Variants in PGPEP1L observed in about 807,000 individuals in gnomAD.
PGPEP1L encodes the protein pyroglutamyl-peptidase I like.
In PGPEP1L, 7 loss-of-function variants were observed where a neutral mutation model predicts 6.0. The ratio of observed to expected loss-of-function variants is 1.17; its 90% CI spans 0.66 to 2.19. PGPEP1L has a LOEUF of 2.19. PGPEP1L is among the 30% of genes most tolerant of loss of function. PGPEP1L has a pLI of 0.00. For missense variants in PGPEP1L, 209 were observed against 192.5 expected (o/e 1.09, Z -0.51); for synonymous variants, 103 against 83.9 (o/e 1.23, Z -1.24).
At chr15:98,978,793 G>A (rs1050868710) in intron 2 of PGPEP1L, among the ~76,000 whole-genome samples, 44 of 141,892 alleles carry the variant, frequency 3.1e-4, no homozygotes, top group African/African-American at 1.1e-3. Flanking sequence ...GCGGTGGCAT[G>A]ATCTCGGCTC....
At chr15:98,982,906 T>A (rs2017688614) in intron 2 of PGPEP1L, among the ~76,000 whole-genome samples, 1 of 151,872 alleles carries the variant, frequency 6.6e-6, no homozygotes, top group South Asian at 2.1e-4. Flanking sequence ...ACACAGGGTC[T>A]CACCCTGTTG....
At chr15:98,990,660 A>G (rs1555471953) in intron 2 of PGPEP1L, among the ~76,000 whole-genome samples, 1 of 152,238 alleles carries the variant, frequency 6.6e-6, no homozygotes, top group African/African-American at 2.4e-5. Flanking sequence ...CAGAATATAC[A>G]TTCTTCTCAG....
At chr15:98,982,252 T>G (rs1259823328) in intron 2 of PGPEP1L, among the ~76,000 whole-genome samples, 1 of 152,206 alleles carries the variant, frequency 6.6e-6, no homozygotes, top group African/African-American at 2.4e-5. Context: ...CCTCGATCCT[T>G]GGGAGCTCCC....
Position 99,000,225 on chromosome 15 carries a change from G to T in PGPEP1L, c.-142+5204C>A, listed in dbSNP as rs116604183. Among the ~76,000 whole-genome samples, 1,023 of 152,356 alleles carry T rather than the reference G, an allele frequency of 6.7e-3. 13 individuals carry two copies. Among genetic ancestry groups the T allele is most frequent in the African/African-American group, 0.024 (983 of 41,586 alleles). On this transcript the variant is annotated intron_variant, in intron 2 of 4. Coordinates refer to ENST00000535714, the MANE Select transcript of PGPEP1L (RefSeq NM_001167902.2). Reference sequence around the variant, plus strand: ...GCTGCTGTGCTCAACTTCTCGCTGGGCCTTAGCTGCCTTCCTGCCGGGCAG... The same window carrying T: ...GCTGCTGTGCTCAACTTCTCGCTGGTCCTTAGCTGCCTTCCTGCCGGGCAG...
At chr15:98,988,422 G>A (rs899218360) in intron 2 of PGPEP1L, among the ~76,000 whole-genome samples, 1 of 152,108 alleles carries the variant, frequency 6.6e-6, no homozygotes, top group Non-Finnish European at 1.5e-5. Flanking sequence ...AGGCCACTGC[G>A]GCCAGACTGC....
At chr15:98,992,103 AG>A (rs1555472142) in intron 2 of PGPEP1L, among the ~76,000 whole-genome samples, 3 of 152,224 alleles carry the variant, frequency 2.0e-5, no homozygotes, top group Non-Finnish European at 4.4e-5. Flanking sequence ...TGGTCAGGGC[AG>A]TCAGGCAAGA....
intron 2 of PGPEP1L, among the ~76,000 whole-genome samples, chr15:98,997,911 G>A (rs1555472642): frequency 6.6e-6 from 1 of 152,102 alleles, no homozygotes; most frequent in Non-Finnish European, 1.5e-5. Context: ...TTACTTCAGA[G>A]GCAGGAGGGG....
chr15:98,989,437 A>C (rs1555471831), intron 2 of PGPEP1L, among the ~76,000 whole-genome samples: 1 of 152,220 alleles, frequency 6.6e-6, no homozygotes, highest in East Asian at 1.9e-4. Context: ...TTAGAGAAAA[A>C]AGAGTGAAAA....
At chr15:98,983,190 A>G (rs1271028044) in intron 2 of PGPEP1L, among the ~76,000 whole-genome samples, 1 of 151,836 alleles carries the variant, frequency 6.6e-6, no homozygotes, top group Non-Finnish European at 1.5e-5. Context: ...AAGAGAAACA[A>G]TTTTCTTTCA....
chr15:98,979,678 TCTCA>T (rs2017629428), intron 2 of PGPEP1L, among the ~76,000 whole-genome samples: 1 of 116,698 alleles, frequency 8.6e-6, no homozygotes, highest in Non-Finnish European at 1.6e-5. Context: ...GGAGACAGAG[TCTCA>T]CTCTGTCACC....
intron 2 of PGPEP1L, among the ~76,000 whole-genome samples, chr15:99,002,794 G>C (rs1458202953): frequency 6.6e-6 from 1 of 151,906 alleles, no homozygotes; most frequent in Non-Finnish European, 1.5e-5. Context: ...CCGGAGTACA[G>C]CTGAGGTTTT....
intron 2 of PGPEP1L, among the ~76,000 whole-genome samples, chr15:98,987,460 G>A (rs1555471625): frequency 6.7e-6 from 1 of 149,918 alleles, no homozygotes; most frequent in African/African-American, 2.4e-5. Context: ...CAGGACAGAA[G>A]TAAAGCCTGA....
chr15:98,993,092 C>T (rs562405957), intron 2 of PGPEP1L, among the ~76,000 whole-genome samples: 4 of 152,072 alleles, frequency 2.6e-5, no homozygotes, highest in Non-Finnish European at 5.9e-5. Context: ...CAACAAAAGC[C>T]AAAATTGACA....
intron 2 of PGPEP1L, among the ~76,000 whole-genome samples, chr15:98,980,628 G>A (rs1425616776): frequency 6.6e-6 from 1 of 151,798 alleles, no homozygotes; most frequent in Non-Finnish European, 1.5e-5. Flanking sequence ...ATAGAAGTGG[G>A]GACAAAAAGT....
chr15:98,973,358 T>A (rs1455894851), intron 2 of PGPEP1L, among the ~76,000 whole-genome samples: 9 of 152,174 alleles, frequency 5.9e-5, no homozygotes, highest in Non-Finnish European at 8.8e-5. Context: ...CTAGACCCAA[T>A]GGAAGGAACA....
At chr15:98,985,133 C>T (rs2017728979) in intron 2 of PGPEP1L, among the ~76,000 whole-genome samples, 1 of 152,192 alleles carries the variant, frequency 6.6e-6, no homozygotes, top group African/African-American at 2.4e-5. Flanking sequence ...GAACTCACGG[C>T]ACAGGGACAG....
At chr15:98,987,974 A>G (rs1489475272) in intron 2 of PGPEP1L, among the ~76,000 whole-genome samples, 2 of 152,124 alleles carry the variant, frequency 1.3e-5, no homozygotes, top group East Asian at 1.9e-4. Context: ...CGCTTTTCCT[A>G]TGGTCTTTGC....
intron 2 of PGPEP1L, among the ~76,000 whole-genome samples, chr15:98,985,179 G>A (rs1435761739): frequency 6.6e-6 from 1 of 152,162 alleles, no homozygotes; most frequent in Non-Finnish European, 1.5e-5. Flanking sequence ...AGGCATTAGG[G>A]TGACTATCCT....
intron 2 of PGPEP1L, among the ~76,000 whole-genome samples, chr15:98,972,291 T>G (rs1489197164): frequency 6.6e-6 from 1 of 151,980 alleles, no homozygotes; most frequent in Admixed American, 6.6e-5. Context: ...AGGCAGAGGT[T>G]GCAGTGAACT....
Sources: gnomAD v4.1 joint callset for allele counts (sites outside exome capture counted in the v4.1 genomes callset) on GRCh38, gnomAD v4.1.1 for gene constraint, MANE v1.5 for transcripts, NCBI Gene and HGNC (gene_info 2026-07-23, HGNC 2026-07-21) for gene names.